DAAM2: variants seen among roughly 807,000 people sequenced by gnomAD.
The protein encoded by DAAM2 is dishevelled associated activator of morphogenesis 2.
In DAAM2, 39 loss-of-function variants were observed where a neutral mutation model predicts 120.7. The observed-to-expected ratio is 0.32, with a 90% CI of 0.25 to 0.42. The LOEUF (loss-of-function observed/expected upper bound fraction) is 0.42. Ranked by LOEUF, DAAM2 falls within the 10% of genes least tolerant of loss-of-function variation. The pLI, the probability that DAAM2 is intolerant of heterozygous loss-of-function variation, is 1.00. For synonymous variants in DAAM2, 488 were observed against 524.9 expected, an observed-to-expected ratio of 0.93 and a Z score of 0.96; for missense variants, 1,283 against 1,401.7, an observed-to-expected ratio of 0.92 and a Z score of 1.35.
intron 17 of DAAM2, chr6:39,889,013 C>T (rs1765536909): frequency 7.1e-6 from 2 of 283,224 alleles, no homozygotes; most frequent in Non-Finnish European, 1.3e-5. Context: ...TGACATCTTC[C>T]CCAAATCTCT....
chr6:39,854,376 C>T (rs1044050002), intron 1 of DAAM2, among the ~76,000 whole-genome samples: 5 of 152,164 alleles, frequency 3.3e-5, no homozygotes, highest in African/African-American at 1.2e-4. Context: ...AAGCAGGAGA[C>T]ACAGCTCCTG....
At chr6:39,894,567 C>A (rs1295632031) in intron 19 of DAAM2, among the ~76,000 whole-genome samples, 1 of 145,908 alleles carries the variant, frequency 6.9e-6, no homozygotes, top group African/African-American at 2.5e-5. Context: ...AAAGGTCAAA[C>A]CCATCTTGAC....
In DAAM2 at chr6:39,878,218, T is replaced by A. The variant is rs142705524; in HGVS notation, c.1317T>A (p.Asn439Lys). 2 of 1,613,938 alleles carry A rather than the reference T, an allele frequency of 1.2e-6. No homozygotes were observed. Among genetic ancestry groups the A allele is most frequent in the East Asian group, 2.2e-5 (1 of 44,872 alleles). ...GCCCTGCCAGGCTCATCAACGAGAA[T>A]GAAGTGAAACAGTGGCGAGACCAGG... ...KNIVNMLINE[N>K]EVKQWRDQAE... The change falls in exon 12 of 25, where the codon AAT becomes AAA. Residue 439 changes from asparagine (N) to lysine (K), a missense_variant. Physicochemically the swap from Asn to Lys is moderately conservative, Grantham distance 94. Around this residue, in one of 3 missense-constraint regions of DAAM2, gnomAD observed 338 missense variants for 443.9 expected, o/e 0.76. Coordinates refer to ENST00000274867, the MANE Select transcript of DAAM2 (RefSeq NM_001201427.2). The surrounding 1 kb of genome is among the most constrained non-coding windows in gnomAD (Gnocchi z 5.0).
At chr6:39,824,355 C>T (rs1395988990) in intron 1 of DAAM2, among the ~76,000 whole-genome samples, 1 of 152,154 alleles carries the variant, frequency 6.6e-6, no homozygotes, top group Admixed American at 6.5e-5. Context: ...GATCTGGTCA[C>T]CTGTTGGTTG....
At chr6:39,801,678 C>T (rs1041778953) in intron 1 of DAAM2, among the ~76,000 whole-genome samples, 2 of 152,240 alleles carry the variant, frequency 1.3e-5, no homozygotes, top group African/African-American at 2.4e-5. Flanking sequence ...TTTGAACATT[C>T]CGCCTTTCAG....
chr6:39,868,757 A>G (rs2149309458), intron 6 of DAAM2, 66 bp from the exon 7 acceptor site: 1 of 1,202,516 alleles, frequency 8.3e-7, no homozygotes, highest in Admixed American at 2.0e-5. Flanking sequence ...AGGAGTAAAG[A>G]TGCAAAGGCC....
Position 39,872,234 on chromosome 6 carries a change from C to T in DAAM2, c.1044+662C>T, listed in dbSNP as rs563134181. ...CCAGTCTCTTTGGGAAACACCCTCA[C>T]AGACATACCCAGAAAGAATTCTTTA... On this transcript the variant is annotated intron_variant, in intron 9 of 24. Coordinates refer to ENST00000274867, the MANE Select transcript of DAAM2 (RefSeq NM_001201427.2). Among the ~76,000 whole-genome samples the T allele has an allele frequency of 5.9e-4, 90 of 152,272 alleles. 1 individual carries two copies. The South Asian group carries it at 9.3e-3, about 16-fold the overall frequency.
intron 1 of DAAM2, among the ~76,000 whole-genome samples, chr6:39,845,256 A>G (rs913154670): frequency 3.2e-3 from 45 of 14,186 alleles, no homozygotes; most frequent in Non-Finnish European, 4.3e-3. Context: ...CACATATCGC[A>G]CATACACACC....
In DAAM2 at chr6:39,830,547, C is replaced by T. The variant is rs142491504; in HGVS notation, c.-56-25700C>T. Among the ~76,000 whole-genome samples, 583 of 152,242 alleles carry T rather than the reference C, an allele frequency of 3.8e-3. 2 individuals carry two copies. Among genetic ancestry groups the T allele is most frequent in the African/African-American group, 0.012 (519 of 41,564 alleles). On this transcript the variant is annotated intron_variant, in intron 1 of 24. Coordinates refer to ENST00000274867, the MANE Select transcript of DAAM2 (RefSeq NM_001201427.2). ...AGACAGACCTACCCCTGTGGCCCTC[C>T]GGCTCAGGCAGTGCAGCTGGGCCAG...
At chr6:39,852,400 C>A (rs1261863918) in intron 1 of DAAM2, among the ~76,000 whole-genome samples, 1 of 152,156 alleles carries the variant, frequency 6.6e-6, no homozygotes, top group African/African-American at 2.4e-5. Flanking sequence ...TAGCTCAGAG[C>A]CCAGGGAAAA....
intron 14 of DAAM2, 40 bp downstream of exon 14, chr6:39,879,517 C>T (rs971849664): frequency 3.1e-6 from 5 of 1,613,644 alleles, no homozygotes; most frequent in Non-Finnish European, 4.2e-6. Context: ...CATTCTTCTA[C>T]AGCAGGGCAG....
intron 1 of DAAM2, chr6:39,821,082 C>T (rs954394772): frequency 6.6e-6 from 1 of 152,230 alleles, no homozygotes; most frequent in Non-Finnish European, 1.5e-5. Context: ...GAGTTTTTCC[C>T]TGGAGGATGC....
chr6:39,858,985 G>A (rs1764111604), intron 2 of DAAM2, among the ~76,000 whole-genome samples: 1 of 152,168 alleles, frequency 6.6e-6, no homozygotes, highest in African/African-American at 2.4e-5. Flanking sequence ...AATAAGGACC[G>A]AGCAGTCAGC....
intron 1 of DAAM2, among the ~76,000 whole-genome samples, chr6:39,801,894 G>A (rs1339688850): frequency 6.6e-6 from 1 of 152,246 alleles, no homozygotes; most frequent in Non-Finnish European, 1.5e-5. Flanking sequence ...GCAGGGAGGG[G>A]AGAAAGTGAT....
intron 1 of DAAM2, among the ~76,000 whole-genome samples, chr6:39,840,094 G>T (rs1206640444): frequency 6.6e-6 from 1 of 152,146 alleles, no homozygotes; most frequent in Middle Eastern, 3.2e-3. Flanking sequence ...AGGTGTGATG[G>T]TGCATGGCTA....
At chr6:39,814,189 T>G (rs150611913) in intron 1 of DAAM2, among the ~76,000 whole-genome samples, 327 of 35,360 alleles carry the variant, frequency 9.2e-3, no homozygotes, top group Admixed American at 0.018. Context: ...TCTTTCTTTC[T>G]TTTTTTTTTT....
chr6:39,834,603 G>A (rs751730544), intron 1 of DAAM2, among the ~76,000 whole-genome samples: 1 of 152,166 alleles, frequency 6.6e-6, no homozygotes, highest in South Asian at 2.1e-4. Context: ...AAAGGCGAAG[G>A]GGGTATCTGG....
At chr6:39,844,539 A>G (rs1251033509) in intron 1 of DAAM2, among the ~76,000 whole-genome samples, 1 of 152,150 alleles carries the variant, frequency 6.6e-6, no homozygotes, top group African/African-American at 2.4e-5. Flanking sequence ...GTAAGATTAA[A>G]TGAGATGCAT....
At position 39,807,199 on chromosome 6, in the gene DAAM2, A is replaced by G. The variant is rs866948299; in HGVS notation, c.-57+14734A>G. On this transcript the variant is annotated intron_variant, in intron 1 of 24. Coordinates refer to ENST00000274867, the MANE Select transcript of DAAM2 (RefSeq NM_001201427.2). ...ACTATAGAACACAGCAAAAAAAAAA[A>G]AAAGGGTGCTAGACATTGTTAAAGA... Among the ~76,000 whole-genome samples the G allele has an allele frequency of 6.7e-3, 1,014 of 152,274 alleles. 11 individuals are homozygous for G. Among genetic ancestry groups the G allele is most frequent in the African/African-American group, 0.02 (849 of 41,544 alleles).
Sources: allele counts gnomAD v4.1 joint callset (sites outside exome capture counted in the v4.1 genomes callset), GRCh38; gene constraint gnomAD v4.1.1; regional missense constraint gnomAD v4.1.1; non-coding constraint Gnocchi (gnomAD v3.1); transcripts MANE v1.5; gene names NCBI Gene and HGNC (gene_info 2026-07-23, HGNC 2026-07-21).